The following LACTB variants were observed in gnomAD, a reference collection of about 807,000 sequenced individuals.
The protein encoded by LACTB is serine beta-lactamase-like protein LACTB, mitochondrial.
In LACTB, 35 loss-of-function variants were observed where a neutral mutation model predicts 50.2. The ratio of observed to expected loss-of-function variants is 0.70; its 90% confidence interval spans 0.53 to 0.92. The LOEUF (loss-of-function observed/expected upper bound fraction) is 0.92. LACTB is among the 40% of genes least tolerant of loss of function. LACTB has a pLI of 0.00. For missense variants in LACTB, 664 were observed against 691.8 expected (o/e 0.96, Z 0.45); for synonymous variants, 252 against 268.2 (o/e 0.94, Z 0.59).
intron 5 of LACTB, among the ~76,000 whole-genome samples, chr15:63,134,100 T>C (rs538289155): frequency 8.1e-4 from 123 of 152,330 alleles, no homozygotes; most frequent in African/African-American, 2.8e-3. Context: ...TTTGTATTCT[T>C]TACTGATTTT....
intron 5 of LACTB, among the ~76,000 whole-genome samples, chr15:63,132,268 G>A (rs1417905844): frequency 6.6e-6 from 1 of 152,076 alleles, no homozygotes; most frequent in African/African-American, 2.4e-5. Flanking sequence ...CGTGTACCCA[G>A]TGTTTAGCCC....
At chr15:63,127,183 A>G in intron 3 of LACTB, 134 bp downstream of exon 3, 1 of 921,392 alleles carries the variant, frequency 1.1e-6, no homozygotes, top group South Asian at 1.9e-5. Flanking sequence ...CTTAATCCAG[A>G]TGATAATCAG....
Position 63,127,607 on chromosome 15 carries a change from C to G in LACTB, c.870C>G (p.Gly290=), listed in dbSNP as rs146253415. 9.9e-6 allele frequency: 16 copies of G among 1,611,384 alleles called. No individual in the cohort carries two copies. The highest frequency in any genetic ancestry group is 1.7e-5 in the Admixed American group (1 of 59,740). The change falls in exon 4 of 6, where the codon GGC becomes GGG. Residue 290 remains glycine, a synonymous_variant. Coordinates refer to ENST00000261893, the MANE Select transcript of LACTB (RefSeq NM_032857.5). The part of the protein sequence containing the change: ...PGKKKNDFEQ[G]ELYLREKFEN... ...AGAAAAAGAATGATTTTGAACAAGG[C>G]GAATTATATTTGAGAGAAAAGTTTG...
At chr15:63,122,253 T>C (rs1041006481) in intron 1 of LACTB, 25 bp downstream of exon 1, 4 of 1,513,260 alleles carry the variant, frequency 2.6e-6, no homozygotes, top group Non-Finnish European at 3.5e-6. Flanking sequence ...GCGGGGGGCG[T>C]AGGGGGCCGG....
rs1368111153 is a variant in LACTB, at chr15:63,121,900, C to T, written c.29C>T (p.Ala10Val). 7.0e-7 allele frequency: 1 copy of T among 1,420,274 alleles called. No individual in the cohort carries two copies. Among genetic ancestry groups the T allele is most frequent in the Admixed American group, 2.8e-5 (1 of 36,352 alleles). The allele number at this position is 1,420,274 out of a possible 1,614,324, so 88.0% of individuals were successfully genotyped here. Residue 10 changes from alanine (A) to valine (V), a missense_variant, in exon 1 of 6, where the codon GCC (alanine) becomes GTC (valine). Physicochemically the swap from Ala to Val is moderately conservative, Grantham distance 64. Transcript: ENST00000261893. MYRLMSAVT[A>V]RAAAPGGLAS... Reference sequence around the variant, plus strand: ...TACCGGCTCATGTCAGCAGTGACTGCCCGGGCTGCCGCCCCCGGGGGCTTG... The same window carrying T: ...TACCGGCTCATGTCAGCAGTGACTGTCCGGGCTGCCGCCCCCGGGGGCTTG...
In LACTB at chr15:63,129,518, C is replaced by T; in HGVS notation, c.986C>T (p.Thr329Ile). The T allele has an allele frequency of 6.2e-7, 1 of 1,607,620 alleles. No homozygotes were observed. Among genetic ancestry groups the T allele is most frequent in the Non-Finnish European group, 8.5e-7 (1 of 1,177,138 alleles). ...SQFLYSTFGYTLLAAIVERAS... is the reference protein window; with the variant it reads ...SQFLYSTFGYILLAAIVERAS... Reference sequence around the variant, plus strand: ...TTTTTGTATTCAACTTTTGGCTATACCCTACTGGCAGCCATAGTAGAGAGA... The same window carrying T: ...TTTTTGTATTCAACTTTTGGCTATATCCTACTGGCAGCCATAGTAGAGAGA... Residue 329 changes from threonine to isoleucine, a missense_variant, in exon 5 of 6, where the codon ACC (threonine) becomes ATC (isoleucine). Coordinates refer to ENST00000261893, the MANE Select transcript of LACTB (RefSeq NM_032857.5).
chr15:63,141,929 G>A lies in LACTB; in HGVS notation c.*124G>A, dbSNP rs1595719490. The A allele has an allele frequency of 4.0e-6, 3 of 752,984 alleles. No homozygotes were observed. The highest frequency in any genetic ancestry group is 2.9e-5 in the Admixed American group (1 of 34,278). 46.6% of individuals were successfully genotyped at this position (752,984 alleles called of 1,614,324 possible). On this transcript the variant is annotated 3_prime_UTR_variant, in exon 6 of 6. Coordinates refer to ENST00000261893, the MANE Select transcript of LACTB (RefSeq NM_032857.5). Reference sequence around the variant, plus strand: ...AGTATAACTGAATGCAGAGAATTATGTACCTCTAATTGCTTAATTTTGTAA... The same window carrying A: ...AGTATAACTGAATGCAGAGAATTATATACCTCTAATTGCTTAATTTTGTAA...
At chr15:63,138,839 T>C (rs1347155496) in intron 5 of LACTB, among the ~76,000 whole-genome samples, 1 of 151,754 alleles carries the variant, frequency 6.6e-6, no homozygotes, top group East Asian at 1.9e-4. Flanking sequence ...CAGGAGTTTC[T>C]GACCAGCCTG....
intron 5 of LACTB, 41 bp downstream of exon 5, chr15:63,129,691 T>C: frequency 7.1e-7 from 1 of 1,410,632 alleles, no homozygotes; most frequent in Non-Finnish European, 9.3e-7. Context: ...ATATCGCATC[T>C]TAACACTATT....
chr15:63,122,753 A>C, intron 2 of LACTB, 51 bp downstream of exon 2: 2 of 1,278,290 alleles, frequency 1.6e-6, no homozygotes, highest in South Asian at 1.2e-5. Flanking sequence ...TAAATAAAAT[A>C]TTGTTTTACT....
At chr15:63,140,067 G>A (rs771840374) in intron 5 of LACTB, among the ~76,000 whole-genome samples, 2 of 152,010 alleles carry the variant, frequency 1.3e-5, no homozygotes, top group Non-Finnish European at 2.9e-5. Flanking sequence ...TGATTGTACC[G>A]CTGCAGTCCA....
At position 63,140,524 on chromosome 15, in the gene LACTB, G is replaced by A. The variant is rs73446313; in HGVS notation, c.1119-756G>A. Among the ~76,000 whole-genome samples, 1,234 of 152,140 alleles carry A rather than the reference G, an allele frequency of 8.1e-3. 16 individuals carry two copies. Among genetic ancestry groups the A allele is most frequent in the African/African-American group, 0.028 (1,159 of 41,492 alleles). On this transcript the variant is annotated intron_variant, in intron 5 of 5. Coordinates refer to ENST00000261893, the MANE Select transcript of LACTB (RefSeq NM_032857.5). ...CAATATTATGACTTGTACTTTTAGG[G>A]GACGTATAAGAATCTTGAAAAAAGA...
At position 63,122,664 on chromosome 15, in the gene LACTB, T is replaced by A; in HGVS notation, c.386T>A (p.Val129Asp). Residue 129 changes from valine (V) to aspartate (D), a missense_variant, in exon 2 of 6, where the codon GTT becomes GAT. Physicochemically the swap from Val to Asp is radical, Grantham distance 152 (BLOSUM62 -3). Transcript: ENST00000261893. ...GAGGTGGGCGCACCGGGCATAGTGGTTGGAGTTTCTGTAGATGGAAAAGAA... is the reference window on the plus strand; with the variant it reads ...GAGGTGGGCGCACCGGGCATAGTGGATGGAGTTTCTGTAGATGGAAAAGAA... Reference protein sequence around the residue: ...KDEVGAPGIVVGVSVDGKEVW... With the variant: ...KDEVGAPGIVDGVSVDGKEVW... The A allele has an allele frequency of 6.2e-7, 1 of 1,613,926 alleles. No individual in the cohort carries two copies. Among genetic ancestry groups the A allele is most frequent in the Non-Finnish European group, 8.5e-7 (1 of 1,179,802 alleles).
intron 5 of LACTB, among the ~76,000 whole-genome samples, chr15:63,134,812 A>G (rs1042949926): frequency 2.0e-5 from 3 of 148,614 alleles, no homozygotes; most frequent in Non-Finnish European, 4.5e-5. Context: ...TGTGTGTGTG[A>G]TGTGTGTGTG....
At chr15:63,122,310 C>T (rs1013850650) in intron 1 of LACTB, 82 bp downstream of exon 1, 1 of 1,232,012 alleles carries the variant, frequency 8.1e-7, no homozygotes, top group Non-Finnish European at 1.1e-6. Flanking sequence ...GTGGACCCCA[C>T]CCGGGGCGGC....
At chr15:63,123,424 A>T (rs924016216) in intron 2 of LACTB, among the ~76,000 whole-genome samples, 1 of 152,122 alleles carries the variant, frequency 6.6e-6, no homozygotes. Flanking sequence ...GGGGTTATAC[A>T]CTATTGTAGG....
At chr15:63,139,869 G>T (rs565095733) in intron 5 of LACTB, among the ~76,000 whole-genome samples, 28 of 151,536 alleles carry the variant, frequency 1.8e-4, no homozygotes, top group Non-Finnish European at 3.4e-4. Context: ...AGGCAGAGGC[G>T]AGTGGATTGC....
chr15:63,127,858 A>G (rs2037074845), intron 4 of LACTB, among the ~76,000 whole-genome samples, 169 bp downstream of exon 4: 1 of 152,220 alleles, frequency 6.6e-6, no homozygotes, highest in Non-Finnish European at 1.5e-5. Context: ...CCTAGCATCC[A>G]GGCAGCTTGT....
chr15:63,132,133 TA>T (rs1341566776), intron 5 of LACTB, among the ~76,000 whole-genome samples: 38 of 152,274 alleles, frequency 2.5e-4, no homozygotes, highest in African/African-American at 8.4e-4. Context: ...GGTTTGGACT[TA>T]AATTGAACCT....
Sources: allele counts gnomAD v4.1 joint callset (sites outside exome capture counted in the v4.1 genomes callset), GRCh38; gene constraint gnomAD v4.1.1; transcripts MANE v1.5; gene names NCBI Gene and HGNC (gene_info 2026-07-23, HGNC 2026-07-21).